The following TM9SF2 variants were observed in gnomAD, a reference collection of about 807,000 sequenced individuals.
TM9SF2 encodes 76 kDa membrane protein.
TM9SF2 carries 13 observed loss-of-function variants against 84.9 expected under a neutral mutation model. The ratio of observed to expected loss-of-function variants is 0.15; its 90% CI spans 0.10 to 0.24. The LOEUF (loss-of-function observed/expected upper bound fraction) is 0.24. Ranked by LOEUF, TM9SF2 falls within the 10% of genes least tolerant of loss-of-function variation. The pLI, the probability that TM9SF2 is intolerant of heterozygous loss-of-function variation, is 1.00. For missense variants in TM9SF2, 562 were observed against 818.5 expected, an observed-to-expected ratio of 0.69 and a Z score of 3.82; for synonymous variants, 273 against 285.8, an observed-to-expected ratio of 0.96 and a Z score of 0.45.
chr13:99,542,053 A>C (rs2046262353), intron 9 of TM9SF2, among the ~76,000 whole-genome samples: 1 of 151,690 alleles, frequency 6.6e-6, no homozygotes, highest in Non-Finnish European at 1.5e-5. Context: ...CGGGAGGCTG[A>C]GGCAGGAGAA....
chr13:99,508,401 C>G (rs1384837583), intron 1 of TM9SF2, among the ~76,000 whole-genome samples: 1 of 71,654 alleles, frequency 1.4e-5, no homozygotes, highest in South Asian at 6.4e-4. Context: ...AAAAGGCAAA[C>G]AAAACACACA....
At chr13:99,557,493 C>T (rs759420522) in intron 15 of TM9SF2, among the ~76,000 whole-genome samples, 23 of 152,014 alleles carry the variant, frequency 1.5e-4, no homozygotes, top group Admixed American at 4.6e-4. Flanking sequence ...TTGATAATGT[C>T]CTTTGCACAA....
chr13:99,528,817 A>G (rs568913254), intron 3 of TM9SF2, among the ~76,000 whole-genome samples: 2 of 152,358 alleles, frequency 1.3e-5, no homozygotes, highest in South Asian at 4.1e-4. Context: ...AGGGATGTTA[A>G]TAAATACATA....
At chr13:99,534,618 G>T (rs1264709696) in intron 4 of TM9SF2, among the ~76,000 whole-genome samples, 2 of 152,246 alleles carry the variant, frequency 1.3e-5, no homozygotes, top group African/African-American at 4.8e-5. Flanking sequence ...GGAAAAACAA[G>T]TAGTTACTAA....
At chr13:99,549,335 T>A in intron 12 of TM9SF2, 113 bp downstream of exon 12, 1 of 768,834 alleles carries the variant, frequency 1.3e-6, no homozygotes, top group Non-Finnish European at 2.1e-6. Flanking sequence ...CCTAAGAAAG[T>A]AAATTTAATT....
intron 16 of TM9SF2, among the ~76,000 whole-genome samples, chr13:99,560,925 T>A (rs764817252): frequency 6.6e-6 from 1 of 152,158 alleles, no homozygotes; most frequent in Non-Finnish European, 1.5e-5. Context: ...TCAGACGATC[T>A]GCCCGCCTTG....
intron 1 of TM9SF2, among the ~76,000 whole-genome samples, chr13:99,506,789 G>A (rs1223463211): frequency 6.6e-6 from 1 of 152,188 alleles, no homozygotes; most frequent in African/African-American, 2.4e-5. Flanking sequence ...CGGCACTACA[G>A]AGATTGGTCT....
intron 5 of TM9SF2, among the ~76,000 whole-genome samples, chr13:99,537,116 G>T (rs2046237890): frequency 7.1e-6 from 1 of 140,246 alleles, no homozygotes; most frequent in Non-Finnish European, 1.5e-5. Context: ...ACCTTTTTAA[G>T]ACCTATGTGT....
At chr13:99,549,105 G>A (rs2046295444) in intron 11 of TM9SF2, 60 bp from the exon 12 acceptor site, 1 of 1,435,530 alleles carries the variant, frequency 7.0e-7, no homozygotes, top group African/African-American at 1.4e-5. Flanking sequence ...CTTGTAATAT[G>A]GATATTTGGT....
At chr13:99,527,630 A>G (rs1447072183) in intron 3 of TM9SF2, among the ~76,000 whole-genome samples, 1 of 152,172 alleles carries the variant, frequency 6.6e-6, no homozygotes, top group East Asian at 1.9e-4. Flanking sequence ...ATCAATCCTG[A>G]TGGTCTCAGG....
intron 10 of TM9SF2, among the ~76,000 whole-genome samples, chr13:99,545,062 A>C (rs2046277214): frequency 6.6e-6 from 1 of 152,226 alleles, no homozygotes; most frequent in Non-Finnish European, 1.5e-5. Flanking sequence ...GATGCCTGCT[A>C]CTGATAAATA....
At chr13:99,525,984 G>A (rs2046181622) in intron 3 of TM9SF2, among the ~76,000 whole-genome samples, 1 of 152,220 alleles carries the variant, frequency 6.6e-6, no homozygotes, top group Non-Finnish European at 1.5e-5. Flanking sequence ...AAGAAGGGAT[G>A]GGACCTAGTG....
At chr13:99,552,576 T>C (rs2046309558) in intron 13 of TM9SF2, among the ~76,000 whole-genome samples, 1 of 150,620 alleles carries the variant, frequency 6.6e-6, no homozygotes, top group Non-Finnish European at 1.5e-5. Context: ...GAAATGCTGA[T>C]ATAAACTAAT....
intron 1 of TM9SF2, among the ~76,000 whole-genome samples, chr13:99,515,020 AC>A (rs1243487146): frequency 6.6e-6 from 1 of 152,234 alleles, no homozygotes; most frequent in Non-Finnish European, 1.5e-5. Context: ...CAGGATTTAA[AC>A]CCACACAGCC....
At position 99,529,164 on chromosome 13, in the gene TM9SF2, A is replaced by G. The variant is rs184860931; in HGVS notation, c.334-303A>G. ...TATTACTAGGAGAGACTAAAGTTCC[A>G]TTTTTGTTCTACATGGGATTTTTTT... On this transcript the variant is annotated intron_variant, in intron 3 of 16. Coordinates refer to ENST00000376387, the MANE Select transcript of TM9SF2 (RefSeq NM_004800.3). Among the ~76,000 whole-genome samples, 18 of 152,258 alleles carry G rather than the reference A, an allele frequency of 1.2e-4. No homozygotes were observed. The East Asian group carries it at 3.3e-3, about 28-fold the overall frequency.
At chr13:99,530,526 A>C (rs367823542) in intron 4 of TM9SF2, among the ~76,000 whole-genome samples, 2 of 152,288 alleles carry the variant, frequency 1.3e-5, no homozygotes, top group Non-Finnish European at 2.9e-5. Context: ...AAAGCACAAT[A>C]AAGTGAAGTG....
chr13:99,543,756 T>G lies in TM9SF2; in HGVS notation c.1018-107T>G. 5 of 1,441,598 alleles carry G rather than the reference T, an allele frequency of 3.5e-6. No individual in the cohort carries two copies. In the South Asian group the frequency reaches 7.5e-5, roughly 22 times the overall value. 89.3% of individuals were successfully genotyped at this position (1,441,598 alleles called of 1,614,324 possible). A position where few individuals can be genotyped will look rare whatever the true frequency, so the allele number is the denominator to read the frequency against. On this transcript the variant is annotated intron_variant, in intron 9 of 16. Transcript: ENST00000376387. ...AAATAGGTACTAACATTTTTAAGTT[T>G]AAAAAAAACCTGTTTTCTGTAACAG...
intron 4 of TM9SF2, among the ~76,000 whole-genome samples, chr13:99,535,857 T>C (rs1175103423): frequency 1.3e-5 from 2 of 152,236 alleles, no homozygotes; most frequent in Admixed American, 1.3e-4. Context: ...TATATGGTGC[T>C]ACAGAACTTT....
intron 1 of TM9SF2, among the ~76,000 whole-genome samples, chr13:99,504,824 T>C (rs553935744): frequency 1.3e-5 from 2 of 152,358 alleles, no homozygotes; most frequent in East Asian, 1.9e-4. Flanking sequence ...CACATTCTTA[T>C]TGCTTTTTAT....
Sources: allele counts gnomAD v4.1 joint callset (sites outside exome capture counted in the v4.1 genomes callset), GRCh38; gene constraint gnomAD v4.1.1; transcripts MANE v1.5; gene names NCBI Gene and HGNC (gene_info 2026-07-23, HGNC 2026-07-21).